The following PIGB variants were observed in gnomAD, a reference collection of about 807,000 sequenced individuals.
The protein encoded by PIGB is phosphatidylinositol glycan anchor biosynthesis class B.
Under a neutral mutation model 68.4 loss-of-function variants are expected in PIGB, and 58 were observed. The ratio of observed to expected loss-of-function variants is 0.85; its 90% CI spans 0.69 to 1.06. The LOEUF (loss-of-function observed/expected upper bound fraction) is 1.06. PIGB is among the 50% of genes least tolerant of loss of function. The pLI is 0.00. For missense variants in PIGB, 634 were observed against 655.8 expected (o/e 0.97, Z 0.36); for synonymous variants, 219 against 220.5 (o/e 0.99, Z 0.06).
rs185589954 is a variant in PIGB at position 55,333,842 on chromosome 15, C to T, written c.654-25C>T. 105 of 1,512,730 alleles carry T rather than the reference C, an allele frequency of 6.9e-5. No individual in the cohort carries two copies. In the African/African-American group the frequency reaches 1.2e-3, roughly 17 times the overall value. The allele number at this position is 1,512,730 out of a possible 1,614,324, so 93.7% of individuals were successfully genotyped here. ...AACTTCAAGTTAATTTCCCACTTGT[C>T]TTATCACACATTTTCCTCTTATAGT... On this transcript the variant is annotated intron_variant, in intron 5 of 11. Coordinates refer to ENST00000164305, the MANE Select transcript of PIGB (RefSeq NM_004855.5).
intron 5 of PIGB, among the ~76,000 whole-genome samples, chr15:55,331,621 G>C (rs1419952732): frequency 6.6e-6 from 1 of 152,032 alleles, no homozygotes; most frequent in Non-Finnish European, 1.5e-5. Flanking sequence ...GATGAGACAG[G>C]AGAATCACTT....
intron 9 of PIGB, among the ~76,000 whole-genome samples, chr15:55,349,070 T>G (rs1248577029): frequency 6.6e-6 from 1 of 151,482 alleles, no homozygotes; most frequent in Non-Finnish European, 1.5e-5. Flanking sequence ...TTAGTAGAGA[T>G]GGGGTTTCAC....
chr15:55,354,773 A>G (rs766071543), intron 10 of PIGB, 25 bp from the exon 11 acceptor site: 2 of 1,562,466 alleles, frequency 1.3e-6, no homozygotes, highest in Non-Finnish European at 1.7e-6. Context: ...ACTTGTATTT[A>G]TTATGGTAAC....
Position 55,340,785 on chromosome 15 carries a change from A to G in PIGB, c.1020A>G (p.Ile340Met). Residue 340 changes from isoleucine to methionine, a missense_variant, in exon 8 of 12, where the codon ATA becomes ATG. Physicochemically the swap from Ile to Met is conservative, Grantham distance 10 (BLOSUM62 1). Coordinates refer to ENST00000164305, the MANE Select transcript of PIGB (RefSeq NM_004855.5). ...ATCTAGCACCAAAGAGATACCGGAT[A>G]CTTTTGGTGACTGTGCTGTGGACAC... The part of the protein sequence containing the change: ...GCYLAPKRYR[I>M]LLVTVLWTLL... The G allele has an allele frequency of 6.2e-7, 1 of 1,609,862 alleles. No individual in the cohort carries two copies. Among genetic ancestry groups the G allele is most frequent in the East Asian group, 2.2e-5 (1 of 44,802 alleles).
Position 55,339,182 on chromosome 15 carries a change from T to C in PIGB, c.795-85T>C, listed in dbSNP as rs2055606328. ...AAAGCATTTTTATAGTGGCTTTTGA[T>C]GCAAGGCACGTACAAAGCCATATGC... On this transcript the variant is annotated intron_variant, in intron 6 of 11. Transcript: ENST00000164305. The C allele has an allele frequency of 3.4e-6, 3 of 877,220 alleles. No homozygotes were observed. In the East Asian group the frequency reaches 8.0e-5, roughly 23 times the overall value. 54.3% of individuals were successfully genotyped at this position (877,220 alleles called of 1,614,324 possible).
At chr15:55,341,306 A>T (rs550147960) in intron 8 of PIGB, among the ~76,000 whole-genome samples, 6 of 152,326 alleles carry the variant, frequency 3.9e-5, no homozygotes, top group Non-Finnish European at 8.8e-5. Context: ...GGTTGCAGTG[A>T]GCTATGATTG....
At position 55,329,832 on chromosome 15, in the gene PIGB, G is replaced by A; in HGVS notation, c.631G>A (p.Glu211Lys). 1 of 1,597,040 alleles carries A rather than the reference G, an allele frequency of 6.3e-7. No homozygotes were observed. Among genetic ancestry groups the A allele is most frequent in the South Asian group, 1.1e-5 (1 of 90,388 alleles). Residue 211 changes from glutamate (E) to lysine (K), a missense_variant, in exon 5 of 12, where the codon GAA becomes AAA. By Grantham distance (56) the Glu-to-Lys change is moderately conservative. Transcript: ENST00000164305. ...AATTGCTCTTTTCTACTATCCTTTG[G>A]AAGGTTCAAAGTCTATGAACAGGTA... Reference protein sequence around the residue: ...TIIALFYYPLEGSKSMNSVKY... With the variant: ...TIIALFYYPLKGSKSMNSVKY...
rs540526125 is a variant in PIGB, at chr15:55,319,261, C to T, written c.11C>T (p.Pro4Leu). 1 of 1,606,544 alleles carries T rather than the reference C, an allele frequency of 6.2e-7. No individual in the cohort carries two copies. The highest frequency in any genetic ancestry group is 8.5e-7 in the Non-Finnish European group (1 of 1,177,126). MRR[P>L]LSKCGMEPGG... Reference sequence around the variant, plus strand: ...AGGTGGCGGCCAGGGATGAGGAGGCCCCTAAGCAAGTGCGGAATGGAGCCG... The same window carrying T: ...AGGTGGCGGCCAGGGATGAGGAGGCTCCTAAGCAAGTGCGGAATGGAGCCG... The change falls in exon 1 of 12, where the codon CCC becomes CTC. Residue 4 changes from proline to leucine, a missense_variant. Transcript: ENST00000164305.
chr15:55,324,515 C>A (rs555806819), intron 3 of PIGB, among the ~76,000 whole-genome samples: 1 of 152,168 alleles, frequency 6.6e-6, no homozygotes, highest in East Asian at 1.9e-4. Flanking sequence ...TCTCTTTATT[C>A]GGGGTAAATG....
Position 55,319,628 on chromosome 15 carries a change from C to T in PIGB, c.163+215C>T, listed in dbSNP as rs529104823. ...TTTTAAAAAATACTCTGTATTTGGCCGACAGGCTGTCCATTTGTGGTCAAG... is the reference window on the plus strand; with the variant it reads ...TTTTAAAAAATACTCTGTATTTGGCTGACAGGCTGTCCATTTGTGGTCAAG... On this transcript the variant is annotated intron_variant, in intron 1 of 11. Coordinates refer to ENST00000164305, the MANE Select transcript of PIGB (RefSeq NM_004855.5). 64 of 442,462 alleles carry T rather than the reference C, an allele frequency of 1.4e-4. 1 individual carries two copies. Among genetic ancestry groups the T allele is most frequent in the Admixed American group, 8.0e-4 (21 of 26,092 alleles). The allele number at this position is 442,462 out of a possible 1,614,324, so 27.4% of individuals were successfully genotyped here. A position where few individuals can be genotyped will look rare whatever the true frequency, so the allele number is the denominator to read the frequency against.
intron 5 of PIGB, among the ~76,000 whole-genome samples, chr15:55,332,224 C>CT (rs2055433061): frequency 6.6e-6 from 1 of 151,958 alleles, no homozygotes. Flanking sequence ...CCAGCTGCCT[C>CT]GGCCTCCCAA....
chr15:55,340,618 C>T lies in PIGB; in HGVS notation c.853C>T (p.Leu285=), dbSNP rs758509797. ...TTTCCTTCAACGGTGCCAGTGGACTCTGGTTCAATTTAATTTTTTGAAATT... is the reference window on the plus strand; with the variant it reads ...TTTCCTTCAACGGTGCCAGTGGACTTTGGTTCAATTTAATTTTTTGAAATT... The part of the protein sequence containing the change: ...IDRIFFGQWT[L]VQFNFLKFNV... The change falls in exon 8 of 12, where the codon CTG becomes TTG. Residue 285 remains leucine (L), a synonymous_variant. Transcript: ENST00000164305. 2.5e-6 allele frequency: 4 copies of T among 1,607,884 alleles called. No homozygotes were observed. The African/African-American group carries it at 5.3e-5, about 21-fold the overall frequency.
Position 55,355,530 on chromosome 15 carries a change from A to C in PIGB, c.*98A>C. ...GTAAGATTCATGGAACTTAGAAAAA[A>C]GCTGTATGAACTGCTTTACCAAATA... is the stretch of plus-strand genomic sequence containing the variant. On this transcript the variant is annotated 3_prime_UTR_variant, in exon 12 of 12. Coordinates refer to ENST00000164305, the MANE Select transcript of PIGB (RefSeq NM_004855.5). The C allele has an allele frequency of 8.3e-6, 8 of 964,358 alleles. No individual in the cohort carries two copies. The South Asian group carries it at 1.4e-4, about 17-fold the overall frequency. The allele number at this position is 964,358 out of a possible 1,614,324, so 59.7% of individuals were successfully genotyped here. A position where few individuals can be genotyped will look rare whatever the true frequency, so the allele number is the denominator to read the frequency against.
intron 9 of PIGB, among the ~76,000 whole-genome samples, chr15:55,345,746 C>T (rs375124371): frequency 6.6e-6 from 1 of 151,664 alleles, no homozygotes; most frequent in East Asian, 1.9e-4. Context: ...GGTGACAGAG[C>T]GAGATTCTGT....
At chr15:55,323,897 G>GT (rs2055219901) in intron 3 of PIGB, among the ~76,000 whole-genome samples, 1 of 152,088 alleles carries the variant, frequency 6.6e-6, no homozygotes. Flanking sequence ...GTTGGGTTTT[G>GT]TTTCTTTTGA....
intron 10 of PIGB, among the ~76,000 whole-genome samples, chr15:55,353,320 G>A (rs184574039): frequency 1.3e-5 from 2 of 152,262 alleles, no homozygotes; most frequent in African/African-American, 4.8e-5. Context: ...AGAGTAGGCC[G>A]GCAGCTTTTT....
intron 10 of PIGB, 131 bp from the exon 11 acceptor site, chr15:55,354,664 GCTT>G: frequency 1.5e-6 from 1 of 655,438 alleles, no homozygotes; most frequent in Non-Finnish European, 2.5e-6. Context: ...TTAAAGGCTT[GCTT>G]CTTCACTTAA....
At chr15:55,335,398 C>T (rs1036373949) in intron 6 of PIGB, among the ~76,000 whole-genome samples, 5 of 152,166 alleles carry the variant, frequency 3.3e-5, no homozygotes, top group African/African-American at 1.2e-4. Context: ...TTCATTCATT[C>T]AGGAATTATT....
At position 55,354,880 on chromosome 15, in the gene PIGB, G is replaced by A. The variant is rs1051919431; in HGVS notation, c.1420G>A (p.Asp474Asn). The change falls in exon 11 of 12, where the codon GAT becomes AAT. Residue 474 changes from aspartate (D) to asparagine (N), a missense_variant. Asp to Asn is a conservative substitution (Grantham distance 23, BLOSUM62 1). Transcript: ENST00000164305. ...TGKSHYLDEA[D>N]VFYLNPLNWL... ...AAAAAGTCATTATCTTGATGAAGCA[G>A]ATGTATTTTACCTAAATCCCTTAAA... 1 of 1,613,504 alleles carries A rather than the reference G, an allele frequency of 6.2e-7. No homozygotes were observed. Among genetic ancestry groups the A allele is most frequent in the African/African-American group, 1.3e-5 (1 of 74,914 alleles).
Sources: gnomAD v4.1 joint callset for allele counts (sites outside exome capture counted in the v4.1 genomes callset) on GRCh38, gnomAD v4.1.1 for gene constraint, MANE v1.5 for transcripts, NCBI Gene and HGNC (gene_info 2026-07-23, HGNC 2026-07-21) for gene names.